Variants in ADAMTS5 observed in about 807,000 individuals in gnomAD.
ADAMTS5 encodes A disintegrin and metalloproteinase with thrombospondin motifs 5.
A neutral mutation model predicts 81.4 loss-of-function variants in ADAMTS5; 54 were observed. The ratio of observed to expected loss-of-function variants is 0.66; its 90% CI spans 0.53 to 0.83. The LOEUF is 0.83. Ranked by LOEUF, ADAMTS5 falls within the 40% of genes least tolerant of loss-of-function variation. The pLI is 0.00. For synonymous variants in ADAMTS5, 532 were observed against 508.8 expected, an observed-to-expected ratio of 1.05 and a Z score of -0.61; for missense variants, 1,194 against 1,229.9, an observed-to-expected ratio of 0.97 and a Z score of 0.44.
chr21:26,950,864 A>ATT (rs34025933), intron 2 of ADAMTS5, among the ~76,000 whole-genome samples: 3 of 151,332 alleles, frequency 2.0e-5, no homozygotes, highest in Admixed American at 6.6e-5. Context: ...TCAAGGTAAG[A>ATT]TTTTTTTTTA....
At chr21:26,925,598 CT>C (rs1986792464) in intron 7 of ADAMTS5, among the ~76,000 whole-genome samples, 2 of 152,106 alleles carry the variant, frequency 1.3e-5, no homozygotes. Context: ...ACATTTTTGC[CT>C]TTTTAAGTAA....
chr21:26,930,726 G>C (rs1157953711), intron 6 of ADAMTS5, among the ~76,000 whole-genome samples: 1 of 152,068 alleles, frequency 6.6e-6, no homozygotes, highest in Non-Finnish European at 1.5e-5. Flanking sequence ...GTGCATGTGA[G>C]TATATGTAAT....
chr21:26,935,741 G>A (rs539519311), intron 3 of ADAMTS5, among the ~76,000 whole-genome samples: 16 of 152,060 alleles, frequency 1.1e-4, no homozygotes, highest in Non-Finnish European at 1.8e-4. Flanking sequence ...TCCCCTCCCC[G>A]CAAAAGCTTC....
intron 1 of ADAMTS5, among the ~76,000 whole-genome samples, chr21:26,960,716 T>C (rs536375024): frequency 3.9e-5 from 6 of 152,358 alleles, no homozygotes; most frequent in African/African-American, 1.4e-4. Context: ...TTGTACAATA[T>C]TCTGTTACGG....
chr21:26,959,581 T>G (rs1987489229), intron 1 of ADAMTS5, among the ~76,000 whole-genome samples: 1 of 152,200 alleles, frequency 6.6e-6, no homozygotes, highest in Non-Finnish European at 1.5e-5. Context: ...GCAAATTTCT[T>G]TCTTGCAGCA....
At chr21:26,937,553 A>G (rs1299556725) in intron 3 of ADAMTS5, among the ~76,000 whole-genome samples, 1 of 152,262 alleles carries the variant, frequency 6.6e-6, no homozygotes, top group Non-Finnish European at 1.5e-5. Context: ...TCTCTACCAA[A>G]TGGCAGAATG....
intron 4 of ADAMTS5, among the ~76,000 whole-genome samples, chr21:26,934,151 G>A (rs1986966590): frequency 6.6e-6 from 1 of 152,154 alleles, no homozygotes; most frequent in Admixed American, 6.6e-5. Context: ...AGCAAGAGAA[G>A]CTTGAAAGTA....
chr21:26,926,140 G>A lies in ADAMTS5; in HGVS notation c.2226-1520C>T, dbSNP rs190811170. ...AAAAGAGTTAGCCAGGGATGGTGGC[G>A]CATGCCTATGGTCCTAGCTACTGGC... On this transcript the variant is annotated intron_variant, in intron 7 of 7. Transcript: ENST00000284987. 2.4e-4 allele frequency among the ~76,000 whole-genome samples: 37 copies of A among 152,272 alleles called. No individual in the cohort carries two copies. The East Asian group carries it at 3.9e-3, about 16-fold the overall frequency.
Position 26,966,393 on chromosome 21 carries a change from G to A in ADAMTS5, c.-2C>T, listed in dbSNP as rs1987675827. ...CAGGGACGCCCACCCGAGCAGCATAGTGCGCTGCCCGCGGGGAGGGGCTGC... is the reference window on the plus strand; with the variant it reads ...CAGGGACGCCCACCCGAGCAGCATAATGCGCTGCCCGCGGGGAGGGGCTGC... On this transcript the variant is annotated 5_prime_UTR_variant, in exon 1 of 8. Transcript: ENST00000284987. 1 of 1,443,670 alleles carries A rather than the reference G, an allele frequency of 6.9e-7. No individual in the cohort carries two copies. Among genetic ancestry groups the A allele is most frequent in the South Asian group, 1.4e-5 (1 of 69,188 alleles). 89.4% of individuals were successfully genotyped at this position (1,443,670 alleles called of 1,614,324 possible).
chr21:26,959,849 C>T (rs1051965063), intron 1 of ADAMTS5, among the ~76,000 whole-genome samples: 9 of 152,056 alleles, frequency 5.9e-5, no homozygotes, highest in Admixed American at 1.3e-4. Context: ...AATTATAACC[C>T]GAGACTTCTA....
At chr21:26,961,941 G>C (rs1023730757) in intron 1 of ADAMTS5, among the ~76,000 whole-genome samples, 1 of 152,164 alleles carries the variant, frequency 6.6e-6, no homozygotes, top group Non-Finnish European at 1.5e-5. Flanking sequence ...GAGAAATGCC[G>C]TGTGGGGAGA....
chr21:26,963,636 C>A, intron 1 of ADAMTS5, among the ~76,000 whole-genome samples: 1 of 49,804 alleles, frequency 2.0e-5, no homozygotes, highest in African/African-American at 7.2e-5. Context: ...CGGAAAGTTG[C>A]TTACCAAAAA....
At position 26,965,650 on chromosome 21, in the gene ADAMTS5, C is replaced by T. The variant is rs1430464668; in HGVS notation, c.742G>A (p.Gly248Arg). Residue 248 changes from glycine to arginine, a missense_variant, in exon 1 of 8, where the codon GGG becomes AGG. Around this residue, in one of 2 missense-constraint regions of ADAMTS5, gnomAD observed 498 missense variants for 412.3 expected, o/e 1.21. Coordinates refer to ENST00000284987, the MANE Select transcript of ADAMTS5 (RefSeq NM_007038.5). ...CACCACGTCTGCGGTCCTGAGCCCC[C>T]AGCGGGCGAGAGAGCGGACTGGTCC... ...LLDQSALSPA[G>R]GSGPQTWWRR... 1.3e-6 allele frequency: 2 copies of T among 1,594,536 alleles called. No individual in the cohort carries two copies. The highest frequency in any genetic ancestry group is 1.7e-6 in the Non-Finnish European group (2 of 1,172,876).
At chr21:26,944,638 A>G (rs1987179824) in intron 2 of ADAMTS5, among the ~76,000 whole-genome samples, 1 of 152,134 alleles carries the variant, frequency 6.6e-6, no homozygotes, top group South Asian at 2.1e-4. Context: ...ATCATACACA[A>G]ACCACTAAAA....
chr21:26,929,741 C>G (rs186297916), intron 7 of ADAMTS5, 145 bp downstream of exon 7: 26 of 661,724 alleles, frequency 3.9e-5, no homozygotes, highest in Non-Finnish European at 5.4e-5. Flanking sequence ...TCTCTTCCTT[C>G]TCATATTTAA....
chr21:26,955,845 G>A (rs2123202131), intron 1 of ADAMTS5, among the ~76,000 whole-genome samples: 1 of 152,254 alleles, frequency 6.6e-6, no homozygotes, highest in East Asian at 1.9e-4. Context: ...GCAAGATCGT[G>A]TTTCTAGTAA....
chr21:26,929,824 A>T, intron 7 of ADAMTS5, 62 bp downstream of exon 7: 1 of 1,518,860 alleles, frequency 6.6e-7, no homozygotes, highest in Non-Finnish European at 9.0e-7. Context: ...CTCCTTTATC[A>T]ATTCTGCAAG....
chr21:26,965,950 G>C lies in ADAMTS5; in HGVS notation c.442C>G (p.Leu148Val), dbSNP rs773931254. 2 of 1,613,632 alleles carry C rather than the reference G, an allele frequency of 1.2e-6. No homozygotes were observed. The highest frequency in any genetic ancestry group is 1.7e-6 in the Non-Finnish European group (2 of 1,179,912). Reference protein sequence around the residue: ...GSPRSLAVFDLCGGLDGFFAV... With the variant: ...GSPRSLAVFDVCGGLDGFFAV... ...AAGAAGCCGTCGAGACCCCCACAGA[G>C]GTCAAAGACAGCCAGAGAGCGGGGA... The change falls in exon 1 of 8, where the codon CTC becomes GTC. Residue 148 changes from leucine (L) to valine (V), a missense_variant. Physicochemically the swap from Leu to Val is conservative, Grantham distance 32. Around this residue, in one of 2 missense-constraint regions of ADAMTS5, gnomAD observed 498 missense variants for 412.3 expected, o/e 1.21. Coordinates refer to ENST00000284987, the MANE Select transcript of ADAMTS5 (RefSeq NM_007038.5).
Position 26,923,980 on chromosome 21 carries a change from ACCT to A in ADAMTS5, c.*70_*72del, listed in dbSNP as rs1325630503. On this transcript the variant is annotated 3_prime_UTR_variant, in exon 8 of 8. Transcript: ENST00000284987. Reference sequence around the variant, plus strand: ...GCATGACTTTCTGTGCGTTAGGTAGACCTCCTGTTCACCACGACTGCATCAGTG... The same window carrying A: ...GCATGACTTTCTGTGCGTTAGGTAGACCTGTTCACCACGACTGCATCAGTG... 1.7e-5 allele frequency: 24 copies of A among 1,440,380 alleles called. No individual in the cohort carries two copies. In the East Asian group the frequency reaches 3.9e-4, roughly 24 times the overall value. The allele number at this position is 1,440,380 out of a possible 1,614,324, so 89.2% of individuals were successfully genotyped here. A position where few individuals can be genotyped will look rare whatever the true frequency, so the allele number is the denominator to read the frequency against.
Sources: gnomAD v4.1 joint callset for allele counts (sites outside exome capture counted in the v4.1 genomes callset) on GRCh38, gnomAD v4.1.1 for gene constraint, gnomAD v4.1.1 regional missense constraint, MANE v1.5 for transcripts, NCBI Gene and HGNC (gene_info 2026-07-23, HGNC 2026-07-21) for gene names.